HIPK2: variants seen among roughly 807,000 people sequenced by gnomAD.
The protein encoded by HIPK2 is homeodomain interacting protein kinase 2, also known as homeodomain-interacting protein kinase 2.
Under a neutral mutation model 113.7 loss-of-function variants are expected in HIPK2, and 27 were observed. The ratio of observed to expected loss-of-function variants is 0.24; its 90% CI spans 0.17 to 0.33. The LOEUF (loss-of-function observed/expected upper bound fraction) is 0.33, where lower values mean the gene tolerates loss of function less well. Ranked by LOEUF, HIPK2 falls within the 10% of genes least tolerant of loss-of-function variation. The pLI is 1.00. For missense variants in HIPK2, 1,257 were observed against 1,588.0 expected, an observed-to-expected ratio of 0.79 and a Z score of 3.54; for synonymous variants, 631 against 642.2, an observed-to-expected ratio of 0.98 and a Z score of 0.26.
In HIPK2 at chr7:139,563,377, G is replaced by C. The variant is rs1798001510; in HGVS notation, c.*9550C>G. ...CTTTCTGGGAGTCCTGGGTGCCTTG[G>C]CCCAGGGCAGTGGTGACAGCAGGGT... On this transcript the variant is annotated 3_prime_UTR_variant, in exon 15 of 15. Coordinates refer to ENST00000406875, the MANE Select transcript of HIPK2 (RefSeq NM_022740.5). 6.5e-6 allele frequency: 1 copy of C among 153,206 alleles called. No individual in the cohort carries two copies. Among genetic ancestry groups the C allele is most frequent in the African/African-American group, 2.4e-5 (1 of 41,444 alleles). 9.5% of individuals were successfully genotyped at this position (153,206 alleles called of 1,614,324 possible).
intron 1 of HIPK2, among the ~76,000 whole-genome samples, chr7:139,764,117 C>T (rs1796515236): frequency 6.6e-6 from 1 of 152,140 alleles, no homozygotes; most frequent in African/African-American, 2.4e-5. Flanking sequence ...TGATGTTAAT[C>T]AAAACTATAT....
chr7:139,608,117 G>A (rs1799686765), intron 9 of HIPK2, among the ~76,000 whole-genome samples: 2 of 151,692 alleles, frequency 1.3e-5, no homozygotes, highest in South Asian at 2.1e-4. Context: ...GGTGGCACAT[G>A]CCTGTAATCC....
At chr7:139,595,840 C>T (rs950938023) in intron 12 of HIPK2, among the ~76,000 whole-genome samples, 7 of 152,130 alleles carry the variant, frequency 4.6e-5, no homozygotes, top group East Asian at 1.9e-4. Flanking sequence ...ATTAATAATT[C>T]GAGCCTAATT....
intron 6 of HIPK2, among the ~76,000 whole-genome samples, chr7:139,624,361 T>C (rs1030471672): frequency 3.3e-5 from 5 of 152,144 alleles, no homozygotes; most frequent in Admixed American, 6.6e-5. Context: ...ACTGAGGCCT[T>C]TGCCACTGGC....
chr7:139,754,026 C>A (rs1049661969), intron 1 of HIPK2, among the ~76,000 whole-genome samples: 3 of 152,208 alleles, frequency 2.0e-5, no homozygotes, highest in Non-Finnish European at 2.9e-5. Flanking sequence ...AAGACGGGCG[C>A]CACGCTGGAG....
At chr7:139,704,633 C>T (rs868184340) in intron 2 of HIPK2, among the ~76,000 whole-genome samples, 201 of 152,332 alleles carry the variant, frequency 1.3e-3, no homozygotes, top group African/African-American at 4.4e-3. Context: ...ACCCCATACA[C>T]ACAGACGTGC....
At position 139,688,856 on chromosome 7, in the gene HIPK2, G is replaced by C. The variant is rs145043609; in HGVS notation, c.1103+27076C>G. The stretch of plus-strand genomic sequence containing the variant: ...ATGTGAATTTAATGCCACCAGTATA[G>C]AACATGATGAAAAAAAAGTCAAAGT... On this transcript the variant is annotated intron_variant, in intron 2 of 14. Coordinates refer to ENST00000406875, the MANE Select transcript of HIPK2 (RefSeq NM_022740.5). Among the ~76,000 whole-genome samples, 125 of 152,044 alleles carry C rather than the reference G, an allele frequency of 8.2e-4. 1 individual carries two copies. The highest frequency in any genetic ancestry group is 3.0e-3 in the African/African-American group (123 of 41,454).
intron 1 of HIPK2, among the ~76,000 whole-genome samples, chr7:139,776,417 GTT>G (rs57657915): frequency 2.7e-5 from 4 of 146,330 alleles, no homozygotes; most frequent in African/African-American, 1.0e-4. Context: ...TTTCTTTTAA[GTT>G]TTTTTTTTTT....
chr7:139,651,766 T>C (rs1801467677), intron 2 of HIPK2, among the ~76,000 whole-genome samples: 1 of 152,242 alleles, frequency 6.6e-6, no homozygotes, highest in African/African-American at 2.4e-5. Flanking sequence ...AGAAGGGACT[T>C]CTTAGAACTT....
At chr7:139,766,365 T>C (rs947290404) in intron 1 of HIPK2, among the ~76,000 whole-genome samples, 1 of 152,250 alleles carries the variant, frequency 6.6e-6, no homozygotes, top group Admixed American at 6.5e-5. Flanking sequence ...ATATTTGATA[T>C]GTTTTGCTCT....
chr7:139,681,219 G>C (rs1802688537), intron 2 of HIPK2, among the ~76,000 whole-genome samples: 1 of 152,174 alleles, frequency 6.6e-6, no homozygotes. Context: ...ATCTAAACTT[G>C]TGAAGTTTTC....
intron 1 of HIPK2, among the ~76,000 whole-genome samples, chr7:139,768,433 C>T (rs1796588321): frequency 6.6e-6 from 1 of 152,028 alleles, no homozygotes; most frequent in South Asian, 2.1e-4. Context: ...TTAAACTGTA[C>T]CTTGGGAAAT....
intron 1 of HIPK2, among the ~76,000 whole-genome samples, chr7:139,734,955 T>C (rs1298370397): frequency 6.6e-6 from 1 of 152,164 alleles, no homozygotes; most frequent in African/African-American, 2.4e-5. Context: ...GACTCCAAAA[T>C]GACGTAAAAT....
At chr7:139,597,653 G>A (rs991651076) in intron 11 of HIPK2, among the ~76,000 whole-genome samples, 8 of 152,158 alleles carry the variant, frequency 5.3e-5, no homozygotes, top group East Asian at 3.9e-4. Flanking sequence ...ATTTTGCCTC[G>A]TGGAGCCTCA....
intron 2 of HIPK2, among the ~76,000 whole-genome samples, chr7:139,707,144 T>TG (rs1794924789): frequency 6.6e-6 from 1 of 152,214 alleles, no homozygotes; most frequent in Non-Finnish European, 1.5e-5. Flanking sequence ...CCCAGAATCA[T>TG]GGGGCTTACT....
In HIPK2 at chr7:139,667,953, C is replaced by T. The variant is rs367759106; in HGVS notation, c.1104-36228G>A. On this transcript the variant is annotated intron_variant, in intron 2 of 14. Coordinates refer to ENST00000406875, the MANE Select transcript of HIPK2 (RefSeq NM_022740.5). ...GACCAGCCTGACCAATATGATGAAA[C>T]CCTGTCTCTACTAAAAATACAAAAA... is the stretch of plus-strand genomic sequence containing the variant. Among the ~76,000 whole-genome samples the T allele has an allele frequency of 3.7e-3, 561 of 151,516 alleles. 6 individuals carry two copies. The highest frequency in any genetic ancestry group is 0.013 in the African/African-American group (524 of 41,252).
At chr7:139,625,464 A>G (rs1353411209) in intron 6 of HIPK2, among the ~76,000 whole-genome samples, 1 of 152,220 alleles carries the variant, frequency 6.6e-6, no homozygotes, top group African/African-American at 2.4e-5. Context: ...ATGAGTTCCC[A>G]TTGCTTTTTG....
intron 1 of HIPK2, among the ~76,000 whole-genome samples, chr7:139,760,293 C>T (rs545683841): frequency 3.3e-5 from 5 of 150,910 alleles, no homozygotes; most frequent in African/African-American, 9.9e-5. Flanking sequence ...CGTGAGCCAC[C>T]GCACCCGGCC....
chr7:139,713,784 T>C lies in HIPK2; in HGVS notation c.1103+2148A>G, dbSNP rs187995364. 2.0e-5 allele frequency among the ~76,000 whole-genome samples: 3 copies of C among 152,266 alleles called. No individual in the cohort carries two copies. The East Asian group carries it at 5.8e-4, about 29-fold the overall frequency. On this transcript the variant is annotated intron_variant, in intron 2 of 14. Coordinates refer to ENST00000406875, the MANE Select transcript of HIPK2 (RefSeq NM_022740.5). ...TGAATTTACCAACCTAAATACGAAGTGGCACAGCAGCCTCCCAGAGCCAGC... is the reference window on the plus strand; with the variant it reads ...TGAATTTACCAACCTAAATACGAAGCGGCACAGCAGCCTCCCAGAGCCAGC...
Sources: gnomAD v4.1 joint callset for allele counts (sites outside exome capture counted in the v4.1 genomes callset) on GRCh38, gnomAD v4.1.1 for gene constraint, MANE v1.5 for transcripts, NCBI Gene and HGNC (gene_info 2026-07-23, HGNC 2026-07-21) for gene names.